Variants in MICAL3 observed in about 807,000 individuals in gnomAD.
MICAL3 encodes [F-actin]-monooxygenase MICAL3.
A neutral mutation model predicts 207.4 loss-of-function variants in MICAL3; 62 were observed. The observed-to-expected ratio is 0.30, with a 90% CI of 0.24 to 0.37. The LOEUF is 0.37. Ranked by LOEUF, MICAL3 falls within the 10% of genes least tolerant of loss-of-function variation. MICAL3 has a pLI of 1.00. For synonymous variants in MICAL3, 1,077 were observed against 1,069.3 expected (o/e 1.01, Z -0.14); for missense variants, 2,368 against 2,635.6 (o/e 0.90, Z 2.22).
intron 11 of MICAL3, 137 bp from the exon 12 acceptor site, chr22:17,891,769 C>A: frequency 4.1e-6 from 3 of 733,090 alleles, no homozygotes; most frequent in Non-Finnish European, 4.5e-6. Context: ...AGTTTCCATG[C>A]AAAGAAAACA....
intron 1 of MICAL3, among the ~76,000 whole-genome samples, chr22:17,916,055 CAAAAAAA>C (rs755146574): frequency 1.7e-5 from 1 of 57,834 alleles, no homozygotes; most frequent in Non-Finnish European, 3.6e-5. Context: ...GATCCAGTCT[CAAAAAAA>C]AAAAAAAAAA....
At chr22:17,981,715 G>A (rs1190836875) in intron 1 of MICAL3, among the ~76,000 whole-genome samples, 2 of 152,194 alleles carry the variant, frequency 1.3e-5, no homozygotes, top group African/African-American at 4.8e-5. Flanking sequence ...CAGCAGGTGT[G>A]ATGGCACAGG....
At chr22:17,936,927 G>A (rs1933559275) in intron 1 of MICAL3, among the ~76,000 whole-genome samples, 1 of 152,190 alleles carries the variant, frequency 6.6e-6, no homozygotes. Flanking sequence ...TCTCCTCTCT[G>A]ATGCCACCTT....
chr22:17,802,746 G>A (rs1289803184), intron 29 of MICAL3, among the ~76,000 whole-genome samples: 2 of 152,246 alleles, frequency 1.3e-5, no homozygotes, highest in Middle Eastern at 3.4e-3. Flanking sequence ...GGTAAAACAC[G>A]AGACAATTAT....
At chr22:17,828,295 GT>G (rs1922426087) in intron 21 of MICAL3, among the ~76,000 whole-genome samples, 1 of 152,246 alleles carries the variant, frequency 6.6e-6, no homozygotes, top group Non-Finnish European at 1.5e-5. Flanking sequence ...GACGAGAGAG[GT>G]GGGAAGAGAT....
chr22:17,854,844 G>A (rs574696761), intron 19 of MICAL3, among the ~76,000 whole-genome samples: 1 of 152,328 alleles, frequency 6.6e-6, no homozygotes, highest in Admixed American at 6.5e-5. Context: ...CTTTCTCCTG[G>A]CTGGATGCTA....
chr22:18,015,902 T>G (rs895637136), intron 1 of MICAL3, among the ~76,000 whole-genome samples: 1 of 152,214 alleles, frequency 6.6e-6, no homozygotes, highest in African/African-American at 2.4e-5. Flanking sequence ...TTTTAAACTG[T>G]CCCTATAATA....
chr22:17,866,677 G>A (rs982331529), intron 17 of MICAL3, among the ~76,000 whole-genome samples: 1 of 150,766 alleles, frequency 6.6e-6, no homozygotes, highest in African/African-American at 2.5e-5. Flanking sequence ...ATATAGAATA[G>A]AATAGAATAG....
intron 1 of MICAL3, among the ~76,000 whole-genome samples, chr22:18,020,833 G>T (rs1268209808): frequency 6.6e-6 from 1 of 151,626 alleles, no homozygotes; most frequent in African/African-American, 2.4e-5. Context: ...AGAATCACTT[G>T]AACCTGGGAA....
chr22:17,864,861 G>C (rs371185025), intron 19 of MICAL3, 38 bp downstream of exon 19: 3 of 1,613,960 alleles, frequency 1.9e-6, no homozygotes, highest in Non-Finnish European at 2.5e-6. Flanking sequence ...GGCCGAGGGA[G>C]TGACGCGCCA....
At chr22:17,820,893 T>C (rs1487298328) in intron 25 of MICAL3, among the ~76,000 whole-genome samples, 2 of 146,128 alleles carry the variant, frequency 1.4e-5, no homozygotes, top group Non-Finnish European at 3.0e-5. Flanking sequence ...TTTATAAACA[T>C]AAATTTTAAT....
At chr22:17,799,608 C>T (rs996474896) in intron 29 of MICAL3, among the ~76,000 whole-genome samples, 9 of 152,214 alleles carry the variant, frequency 5.9e-5, no homozygotes, top group African/African-American at 2.2e-4. Flanking sequence ...ATGCCATGCT[C>T]CTGGCCTGGG....
chr22:17,992,599 A>T (rs1480236248), intron 1 of MICAL3, among the ~76,000 whole-genome samples: 1 of 152,180 alleles, frequency 6.6e-6, no homozygotes, highest in Non-Finnish European at 1.5e-5. Flanking sequence ...TTCCTGAAGT[A>T]GGAATCCCCC....
At chr22:17,954,777 C>T (rs140639594) in intron 1 of MICAL3, among the ~76,000 whole-genome samples, 41 of 150,194 alleles carry the variant, frequency 2.7e-4, no homozygotes, top group African/African-American at 9.8e-4. Flanking sequence ...GACGGAATCT[C>T]GCTCTGTCGC....
At chr22:17,863,238 T>A (rs1030840475) in intron 19 of MICAL3, 9 of 985,442 alleles carry the variant, frequency 9.1e-6, no homozygotes, top group Non-Finnish European at 1.1e-5. Context: ...TAATTCTTTT[T>A]AAAAAATGTT....
At chr22:17,826,327 C>G (rs1017286919) in intron 22 of MICAL3, 2 of 371,386 alleles carry the variant, frequency 5.4e-6, no homozygotes, top group Admixed American at 1.3e-4. Context: ...ATGCAGGTAC[C>G]CCCACCCGCC....
chr22:17,795,551 G>A (rs1047132224), intron 29 of MICAL3, among the ~76,000 whole-genome samples: 5 of 152,178 alleles, frequency 3.3e-5, no homozygotes, highest in African/African-American at 9.7e-5. Flanking sequence ...ATCCTCATAC[G>A]CCCTTCCCAA....
chr22:17,812,063 T>A (rs980964174), intron 27 of MICAL3, among the ~76,000 whole-genome samples: 1 of 152,208 alleles, frequency 6.6e-6, no homozygotes, highest in Middle Eastern at 3.2e-3. Context: ...AGAAAACTTT[T>A]ATAGACTTCA....
intron 20 of MICAL3, among the ~76,000 whole-genome samples, chr22:17,832,431 G>T (rs1602001918): frequency 6.6e-6 from 1 of 152,198 alleles, no homozygotes; most frequent in African/African-American, 2.4e-5. Flanking sequence ...CTGTGGAGGG[G>T]AGTGTGCAGA....
Sources: allele counts gnomAD v4.1 joint callset (sites outside exome capture counted in the v4.1 genomes callset), GRCh38; gene constraint gnomAD v4.1.1; transcripts MANE v1.5; gene names NCBI Gene and HGNC (gene_info 2026-07-23, HGNC 2026-07-21).